Variants in FRAS1 observed in about 807,000 individuals in gnomAD.
FRAS1 encodes Fraser extracellular matrix complex subunit 1.
A neutral mutation model predicts 435.2 loss-of-function variants in FRAS1; 290 were observed. That is an observed-to-expected ratio of 0.67 (90% CI 0.61 to 0.73). FRAS1 has a LOEUF of 0.73. FRAS1 is among the 30% of genes least tolerant of loss of function. FRAS1 has a pLI of 0.00. For synonymous variants in FRAS1, 1,800 were observed against 1,851.0 expected (o/e 0.97, Z 0.71); for missense variants, 4,860 against 5,001.5 (o/e 0.97, Z 0.85).
At chr4:78,303,783 C>T (rs944594052) in intron 14 of FRAS1, among the ~76,000 whole-genome samples, 1 of 151,722 alleles carries the variant, frequency 6.6e-6, no homozygotes, top group Non-Finnish European at 1.5e-5. Flanking sequence ...TCTAGATATA[C>T]AATCATGTCA....
intron 47 of FRAS1, among the ~76,000 whole-genome samples, chr4:78,457,020 A>G (rs1719223001): frequency 1.3e-5 from 2 of 151,970 alleles, no homozygotes; most frequent in Non-Finnish European, 2.9e-5. Flanking sequence ...GTAATACTTC[A>G]AGGAGGCCTA....
chr4:78,535,823 T>C (rs970768776), intron 71 of FRAS1, among the ~76,000 whole-genome samples: 1 of 152,206 alleles, frequency 6.6e-6, no homozygotes, highest in Non-Finnish European at 1.5e-5. Context: ...TTATTACTTA[T>C]ATATTCAAGT....
At chr4:78,211,981 G>C (rs1302416044) in intron 2 of FRAS1, among the ~76,000 whole-genome samples, 11 of 151,962 alleles carry the variant, frequency 7.2e-5, no homozygotes, top group Non-Finnish European at 1.2e-4. Flanking sequence ...TATCTCATTT[G>C]GTATGTTTTC....
intron 2 of FRAS1, among the ~76,000 whole-genome samples, chr4:78,147,927 T>A (rs1442006824): frequency 2.0e-5 from 3 of 152,198 alleles, no homozygotes; most frequent in African/African-American, 7.2e-5. Flanking sequence ...CTGGAAAACT[T>A]AAATCAAATT....
chr4:78,060,450 G>A (rs1307587188), intron 1 of FRAS1, among the ~76,000 whole-genome samples: 1 of 152,190 alleles, frequency 6.6e-6, no homozygotes, highest in African/African-American at 2.4e-5. Context: ...TTTCTTCTCA[G>A]TGCACAGAGA....
chr4:78,246,399 G>GATA (rs1725251404), intron 4 of FRAS1, among the ~76,000 whole-genome samples: 1 of 152,032 alleles, frequency 6.6e-6, no homozygotes, highest in African/African-American at 2.4e-5. Flanking sequence ...TATCTTACTC[G>GATA]AGCCACTGTT....
intron 33 of FRAS1, among the ~76,000 whole-genome samples, chr4:78,419,561 A>G (rs1171486558): frequency 6.6e-6 from 1 of 152,220 alleles, no homozygotes; most frequent in Non-Finnish European, 1.5e-5. Flanking sequence ...AGAATGTAGA[A>G]CTATAGTCAG....
rs182362113 is a variant in FRAS1 at position 78,467,235 on chromosome 4, C to T, written c.7257+800C>T. Among the ~76,000 whole-genome samples the T allele has an allele frequency of 9.5e-4, 145 of 152,272 alleles. 1 individual carries two copies. The highest frequency in any genetic ancestry group is 1.5e-3 in the Admixed American group (23 of 15,298). ...CCATCTCTGCCCCCTTACTACTCTT[C>T]CCAGCCTCTGGTAACCATTCTTCTC... is the stretch of plus-strand genomic sequence containing the variant. On this transcript the variant is annotated intron_variant, in intron 50 of 73. Coordinates refer to ENST00000512123, the MANE Select transcript of FRAS1 (RefSeq NM_025074.7).
chr4:78,332,661 TTA>T (rs2110257976), intron 18 of FRAS1, among the ~76,000 whole-genome samples: 1 of 152,300 alleles, frequency 6.6e-6, no homozygotes, highest in South Asian at 2.1e-4. Context: ...GAGAAATGAG[TTA>T]GTCAAAGTCA....
intron 31 of FRAS1, among the ~76,000 whole-genome samples, chr4:78,412,502 T>G (rs1419740240): frequency 2.0e-5 from 3 of 152,208 alleles, no homozygotes; most frequent in African/African-American, 7.2e-5. Flanking sequence ...CTGTGCTGGT[T>G]AAAAATGAAA....
chr4:78,210,789 A>G (rs546564119), intron 2 of FRAS1, among the ~76,000 whole-genome samples: 5 of 152,346 alleles, frequency 3.3e-5, no homozygotes, highest in East Asian at 1.9e-4. Context: ...GGGGAATTGT[A>G]GGTGTTGGAG....
chr4:78,079,388 G>T (rs1314936244), intron 2 of FRAS1, among the ~76,000 whole-genome samples: 1 of 151,954 alleles, frequency 6.6e-6, no homozygotes, highest in African/African-American at 2.4e-5. Flanking sequence ...CAAGTGGCAG[G>T]GACAACTTAG....
chr4:78,439,891 A>G (rs2109824487), intron 40 of FRAS1, among the ~76,000 whole-genome samples: 1 of 152,248 alleles, frequency 6.6e-6, no homozygotes, highest in South Asian at 2.1e-4. Flanking sequence ...TACCCAGTTC[A>G]TGGTAGGGAT....
chr4:78,417,522 T>C (rs371366295), intron 32 of FRAS1, among the ~76,000 whole-genome samples: 14 of 152,318 alleles, frequency 9.2e-5, no homozygotes, highest in African/African-American at 3.1e-4. Flanking sequence ...TAATTTGTTG[T>C]CCTTACTTGT....
chr4:78,154,318 TTG>T (rs1720792350), intron 2 of FRAS1, among the ~76,000 whole-genome samples: 4 of 152,188 alleles, frequency 2.6e-5, no homozygotes, highest in African/African-American at 7.2e-5. Flanking sequence ...TTGGAGGTAA[TTG>T]TATTGCCTCT....
chr4:78,247,134 TA>T (rs1262324229), intron 4 of FRAS1, among the ~76,000 whole-genome samples: 1 of 152,124 alleles, frequency 6.6e-6, no homozygotes, highest in African/African-American at 2.4e-5. Flanking sequence ...TGCCTTGGGT[TA>T]GTTAGAAATC....
chr4:78,538,936 C>G (rs957976794), intron 72 of FRAS1, among the ~76,000 whole-genome samples: 1 of 136,932 alleles, frequency 7.3e-6, no homozygotes, highest in Non-Finnish European at 1.5e-5. Flanking sequence ...GCCTGGGCGA[C>G]AGAGCAAGAC....
chr4:78,460,738 G>A (rs1719345756), intron 47 of FRAS1, among the ~76,000 whole-genome samples: 1 of 152,156 alleles, frequency 6.6e-6, no homozygotes, highest in South Asian at 2.1e-4. Context: ...GAATACTGTA[G>A]ACAATTGTAA....
rs1007481617 is a variant in FRAS1, at chr4:78,334,363, C to CTTTTTTTTTTTT, written c.2278+966_2278+977dup. On this transcript the variant is annotated intron_variant, in intron 19 of 73. Transcript: ENST00000512123. ...AAAACATAAAGTCATAACCAATTTT[C>CTTTTTTTTTTTT]TTTTTTTTTTTTTTTTTTTTTTTTT... Among the ~76,000 whole-genome samples, 3 of 92,270 alleles carry CTTTTTTTTTTTT rather than the reference C, an allele frequency of 3.3e-5. 1 individual carries two copies. The highest frequency in any genetic ancestry group is 4.5e-5 in the African/African-American group (1 of 22,090). 60.5% of individuals were successfully genotyped at this position (92,270 alleles called of 152,430 possible).
Sources: allele counts gnomAD v4.1 joint callset (sites outside exome capture counted in the v4.1 genomes callset), GRCh38; gene constraint gnomAD v4.1.1; transcripts MANE v1.5; gene names NCBI Gene and HGNC (gene_info 2026-07-23, HGNC 2026-07-21).